TLE2: variants seen among roughly 807,000 people sequenced by gnomAD.
TLE2 encodes the protein TLE family member 2, transcriptional corepressor.
A neutral mutation model predicts 97.2 loss-of-function variants in TLE2; 74 were observed. The ratio of observed to expected loss-of-function variants is 0.76; its 90% confidence interval spans 0.63 to 0.92. The LOEUF is 0.92. Among genes scored for constraint, TLE2 ranks in the 40% least tolerant of loss-of-function variants. The pLI is 0.00. For missense variants in TLE2, 1,038 were observed against 1,008.7 expected (o/e 1.03, Z -0.39); for synonymous variants, 499 against 432.1 (o/e 1.15, Z -1.92).
In TLE2 at chr19:3,005,466, G is replaced by A; in HGVS notation, c.1867C>T (p.Gln623Ter). The A allele has an allele frequency of 6.2e-7, 1 of 1,613,858 alleles. No individual in the cohort carries two copies. The highest frequency in any genetic ancestry group is 8.5e-7 in the Non-Finnish European group (1 of 1,179,834). Residue 623 changes from glutamine (Q) to a stop codon, truncating the protein, a stop_gained, in exon 17 of 20, where the codon CAG becomes TAG. Coordinates refer to ENST00000262953, the MANE Select transcript of TLE2 (RefSeq NM_003260.5). LOFTEE classifies it high-confidence loss of function. ...GAGCTGAAGTCATGCTGCTGCAGCT[G>A]GCGGCCCTCCCGCAGGTCCCAGCAG... is the stretch of plus-strand genomic sequence containing the variant. ...VRCWDLREGR[Q>*]LQQHDFSSQI...
chr19:3,006,185 G>A (rs1330565287), intron 15 of TLE2: 1 of 952,830 alleles, frequency 1.0e-6, no homozygotes, highest in Non-Finnish European at 1.7e-6. Flanking sequence ...CCCACCCATG[G>A]TTGGCCTGCA....
At chr19:3,045,631 A>G (rs1249636319) in intron 1 of TLE2, 2 of 367,948 alleles carry the variant, frequency 5.4e-6, no homozygotes, top group Non-Finnish European at 1.1e-5. Context: ...AGCCTGGCCA[A>G]CATGGTGAAA....
chr19:2,998,160 T>G (rs1328874258), intron 19 of TLE2, among the ~76,000 whole-genome samples: 2 of 151,440 alleles, frequency 1.3e-5, no homozygotes, highest in Non-Finnish European at 2.9e-5. Context: ...AACCTCCACC[T>G]CCCGGGTTCA....
At chr19:3,016,347 G>A (rs1277079900) in intron 8 of TLE2, among the ~76,000 whole-genome samples, 3 of 149,052 alleles carry the variant, frequency 2.0e-5, no homozygotes, top group East Asian at 2.0e-4. Context: ...AGGCCGAGGC[G>A]GGCGGATCAC....
chr19:3,002,786 C>T (rs1033173430), intron 17 of TLE2, among the ~76,000 whole-genome samples: 2 of 152,182 alleles, frequency 1.3e-5, no homozygotes, highest in Middle Eastern at 3.4e-3. Context: ...GCAGCCTCTG[C>T]CTCCCAGGTT....
chr19:3,016,040 G>A (rs1305761793), intron 8 of TLE2: 3 of 517,642 alleles, frequency 5.8e-6, no homozygotes, highest in Admixed American at 2.3e-5. Context: ...GGGTTCAAGC[G>A]ATCCTCCTGC....
intron 5 of TLE2, among the ~76,000 whole-genome samples, chr19:3,021,377 C>G (rs2089840825): frequency 1.3e-5 from 2 of 151,638 alleles, no homozygotes; most frequent in South Asian, 2.1e-4. Flanking sequence ...GCACTCCCGC[C>G]TGGGTGACAG....
Position 3,002,337 on chromosome 19 carries a change from G to A in TLE2, c.2047+16C>T, listed in dbSNP as rs200649153. 84 of 1,589,854 alleles carry A rather than the reference G, an allele frequency of 5.3e-5. No homozygotes were observed. The highest frequency in any genetic ancestry group is 1.5e-4 in the African/African-American group (11 of 74,248). On this transcript the variant is annotated intron_variant, in intron 18 of 19. Transcript: ENST00000262953. ...TGGGGTTTTGAGGGCGTGCCACCCC[G>A]CCCCAGAAGACACACCGCAGGAGGC...
rs777123235 is a variant in TLE2, at chr19:3,028,954, G to A, written c.-50C>T. On this transcript the variant is annotated 5_prime_UTR_variant, in exon 1 of 20. Transcript: ENST00000262953. The stretch of plus-strand genomic sequence containing the variant: ...GGCGCCACCAGAGCTTGATGATATG[G>A]AGGCGGCAAGAGTGGGGGAGGCTGA... 3 of 1,594,782 alleles carry A rather than the reference G, an allele frequency of 1.9e-6. No individual in the cohort carries two copies. The East Asian group carries it at 6.7e-5, about 36-fold the overall frequency.
chr19:2,999,023 C>G (rs527649063), intron 19 of TLE2, among the ~76,000 whole-genome samples: 2 of 152,118 alleles, frequency 1.3e-5, no homozygotes, highest in Admixed American at 6.6e-5. Context: ...AGGGTTGGCA[C>G]GGTGGCTCGG....
At chr19:3,035,834 T>C (rs1282745320) in intron 1 of TLE2, among the ~76,000 whole-genome samples, 1 of 152,026 alleles carries the variant, frequency 6.6e-6, no homozygotes, top group Non-Finnish European at 1.5e-5. Flanking sequence ...CCCCCCTCCC[T>C]AGGAGAATCT....
At chr19:3,031,223 G>T (rs1279243247), upstream of TLE2, among the ~76,000 whole-genome samples, 1 of 152,118 alleles carries the variant, frequency 6.6e-6, no homozygotes, top group Non-Finnish European at 1.5e-5. Flanking sequence ...ACCTGCTTAT[G>T]TGGGGTGTCT....
In TLE2 at chr19:3,009,719, G is replaced by C; in HGVS notation, c.1013-17C>G. 6.2e-7 allele frequency: 1 copy of C among 1,600,646 alleles called. No homozygotes were observed. Among genetic ancestry groups the C allele is most frequent in the Non-Finnish European group, 8.5e-7 (1 of 1,174,636 alleles). ...TCCTCAGGGCTGAGACGGAAGAGTC[G>C]GGGACAGGTTTTGACGCCCTGGACC... On this transcript the variant is annotated splice_polypyrimidine_tract_variant and intron_variant, in intron 12 of 19. Coordinates refer to ENST00000262953, the MANE Select transcript of TLE2 (RefSeq NM_003260.5).
rs1464766540 is a variant in TLE2 at position 3,028,640 on chromosome 19, C to T, written c.122+66G>A. 14 of 1,577,100 alleles carry T rather than the reference C, an allele frequency of 8.9e-6. No homozygotes were observed. The African/African-American group carries it at 1.9e-4, about 21-fold the overall frequency. On this transcript the variant is annotated intron_variant, in intron 2 of 19. Coordinates refer to ENST00000262953, the MANE Select transcript of TLE2 (RefSeq NM_003260.5). ...GAGCCCCTCCTCCCCGCCCTATACC[C>T]CGGAGGCCTCGCCCCGCCCCGGCGC...
chr19:3,006,610 T>A lies in TLE2; in HGVS notation c.1310A>T (p.Asp437Val). 3.7e-6 allele frequency: 6 copies of A among 1,610,616 alleles called. No individual in the cohort carries two copies. The highest frequency in any genetic ancestry group is 5.1e-6 in the Non-Finnish European group (6 of 1,178,616). ...GQMQPVPFPS[D>V]ALVGAGIPRH... ...CGGGATGCCCGCGCCTACCAGTGCA[T>A]CCGAGGGGAAGGGAACCGGCTGCAT... The change falls in exon 15 of 20, where the codon GAT becomes GTT. Residue 437 changes from aspartate (D) to valine (V), a missense_variant. Coordinates refer to ENST00000262953, the MANE Select transcript of TLE2 (RefSeq NM_003260.5).
intron 14 of TLE2, among the ~76,000 whole-genome samples, chr19:3,007,941 C>T (rs1413034998): frequency 5.9e-5 from 9 of 151,868 alleles, no homozygotes; most frequent in African/African-American, 2.2e-4. Context: ...AAAAATTAGC[C>T]GGCGGTGGTC....
chr19:3,006,803 G>C, intron 14 of TLE2, 134 bp from the exon 15 acceptor site: 1 of 1,329,010 alleles, frequency 7.5e-7, no homozygotes, highest in Non-Finnish European at 1.0e-6. Flanking sequence ...TGTTTTTTGA[G>C]AGGGAGTCTC....
rs113549717 is a variant in TLE2, at chr19:3,027,168, C to A, written c.231+661G>T. Among the ~76,000 whole-genome samples the A allele has an allele frequency of 8.0e-3, 1,224 of 152,388 alleles. 8 individuals are homozygous for A. Among genetic ancestry groups the A allele is most frequent in the Non-Finnish European group, 0.013 (900 of 68,040 alleles). On this transcript the variant is annotated intron_variant, in intron 4 of 19. Coordinates refer to ENST00000262953, the MANE Select transcript of TLE2 (RefSeq NM_003260.5). ...CAGAACCCTGAGGTCTATTTCAGAA[C>A]CCTGAAGTCTGTCTCAGAACCTTGG...
At chr19:3,021,577 G>C (rs1233942772) in intron 5 of TLE2, among the ~76,000 whole-genome samples, 6 of 151,954 alleles carry the variant, frequency 3.9e-5, no homozygotes, top group African/African-American at 1.2e-4. Flanking sequence ...AATTTAATAG[G>C]CTTATTTTTA....
Sources: gnomAD v4.1 joint callset for allele counts (sites outside exome capture counted in the v4.1 genomes callset) on GRCh38, gnomAD v4.1.1 for gene constraint, MANE v1.5 for transcripts, NCBI Gene and HGNC (gene_info 2026-07-23, HGNC 2026-07-21) for gene names.